TOP6BL: variants seen among roughly 807,000 people sequenced by gnomAD.
TOP6BL encodes type 2 DNA topoisomerase 6 subunit B-like.
the TOP6BL span, among the ~76,000 whole-genome samples, chr11:66,820,362 A>G: frequency 6.6e-6 from 1 of 152,212 alleles, no homozygotes. Context: ...GCTGCTTCCC[A>G]TAGAATTCTG....
chr11:66,777,360 GA>G, the TOP6BL span, among the ~76,000 whole-genome samples: 1 of 151,916 alleles, frequency 6.6e-6, no homozygotes, highest in Non-Finnish European at 1.5e-5. Flanking sequence ...TTGATCTTTT[GA>G]AAGCACCTAC....
chr11:66,773,136 C>T, the TOP6BL span, among the ~76,000 whole-genome samples: 1 of 152,094 alleles, frequency 6.6e-6, no homozygotes, highest in Non-Finnish European at 1.5e-5. Context: ...GTGGGGCGAT[C>T]TCAGCTCATT....
At chr11:66,792,100 G>A in the TOP6BL span, among the ~76,000 whole-genome samples, 2 of 152,236 alleles carry the variant, frequency 1.3e-5, no homozygotes, top group South Asian at 2.1e-4. Flanking sequence ...GTGAGCCGCC[G>A]CACCCAGCTT....
chr11:66,804,819 C>G, the TOP6BL span, among the ~76,000 whole-genome samples: 1 of 152,146 alleles, frequency 6.6e-6, no homozygotes, highest in East Asian at 1.9e-4. Context: ...CACCTGTAAT[C>G]CCAGCACTTT....
the TOP6BL span, among the ~76,000 whole-genome samples, chr11:66,753,563 C>G: frequency 1.3e-5 from 2 of 151,792 alleles, no homozygotes; most frequent in Non-Finnish European, 2.9e-5. Flanking sequence ...CCTGCCACCA[C>G]GCCCGGCTAA....
At chr11:66,821,928 C>G in the TOP6BL span, among the ~76,000 whole-genome samples, 2 of 152,174 alleles carry the variant, frequency 1.3e-5, no homozygotes, top group Non-Finnish European at 2.9e-5. Flanking sequence ...ACAACTCAAA[C>G]TTTAGCTTAG....
At chr11:66,842,871 CAA>C in the TOP6BL span, 5 of 1,572,088 alleles carry the variant, frequency 3.2e-6, no homozygotes, top group Non-Finnish European at 2.6e-6. Context: ...AAGCAGAAAA[CAA>C]GAGGCTCAAG....
At chr11:66,842,966 C>CG in the TOP6BL span, 3 of 1,551,302 alleles carry the variant, frequency 1.9e-6, no homozygotes, top group Non-Finnish European at 2.6e-6. Context: ...CCGCGCCGCC[C>CG]GGAAGCCACC....
At chr11:66,772,095 A>G in the TOP6BL span, among the ~76,000 whole-genome samples, 2 of 152,146 alleles carry the variant, frequency 1.3e-5, no homozygotes, top group African/African-American at 2.4e-5. Context: ...AGTTTGGAAG[A>G]AATTGATTCC....
chr11:66,766,944 C>T, the TOP6BL span, among the ~76,000 whole-genome samples: 2 of 152,122 alleles, frequency 1.3e-5, no homozygotes, highest in South Asian at 2.1e-4. Context: ...AATTCTCCAG[C>T]GTTAAAAATC....
At chr11:66,832,192 G>T in the TOP6BL span, among the ~76,000 whole-genome samples, 1 of 151,260 alleles carries the variant, frequency 6.6e-6, no homozygotes, top group Non-Finnish European at 1.5e-5. Flanking sequence ...CCACCCCCCG[G>T]GTTCACACCA....
chr11:66,757,511 G>C, the TOP6BL span, among the ~76,000 whole-genome samples: 1 of 152,126 alleles, frequency 6.6e-6, no homozygotes, highest in African/African-American at 2.4e-5. Context: ...AATGTTCTCT[G>C]TCTCCTGTTT....
the TOP6BL span, among the ~76,000 whole-genome samples, chr11:66,804,612 G>A: frequency 5.9e-5 from 9 of 152,184 alleles, no homozygotes; most frequent in African/African-American, 1.2e-4. Context: ...GTAATACTAA[G>A]TAAATAAGTA....
chr11:66,810,187 G>A, the TOP6BL span, among the ~76,000 whole-genome samples: 1 of 151,920 alleles, frequency 6.6e-6, no homozygotes, highest in Non-Finnish European at 1.5e-5. Context: ...GCAAAATGAA[G>A]AATTTTTCAG....
chr11:66,756,337 C>CTTT, the TOP6BL span: 8 of 1,088,978 alleles, frequency 7.3e-6, no homozygotes, highest in South Asian at 5.1e-5. Context: ...CTTTTCCCCC[C>CTTT]TTTTTTTTTT....
At chr11:66,831,989 T>A in the TOP6BL span, among the ~76,000 whole-genome samples, 1 of 109,366 alleles carries the variant, frequency 9.1e-6, no homozygotes, top group Non-Finnish European at 1.8e-5. Context: ...AGAGTGAGAC[T>A]CTGTCTCAAA....
At chr11:66,801,068 A>C in the TOP6BL span, 1 of 1,613,814 alleles carries the variant, frequency 6.2e-7, no homozygotes, top group Non-Finnish European at 8.5e-7. Flanking sequence ...TGGGAATGGA[A>C]TTGCTCTTTT....
At chr11:66,800,501 CAGTTAT>C in the TOP6BL span, 37 of 622,800 alleles carry the variant, frequency 5.9e-5, no homozygotes, top group Non-Finnish European at 1.0e-4. Context: ...TGAATGTATA[CAGTTAT>C]AGTTTATCAA....
the TOP6BL span, among the ~76,000 whole-genome samples, chr11:66,833,040 CTTTTTTT>C: frequency 5.5e-4 from 65 of 117,264 alleles, no homozygotes; most frequent in South Asian, 1.7e-3. Flanking sequence ...ATCTTTCTGC[CTTTTTTT>C]TTTTTTTTTT....
Sources: gnomAD v4.1 joint callset for allele counts (sites outside exome capture counted in the v4.1 genomes callset) on GRCh38, gnomAD v4.1.1 for gene constraint, MANE v1.5 for transcripts, NCBI Gene and HGNC (gene_info 2026-07-23, HGNC 2026-07-21) for gene names.